AKAP7: variants seen among roughly 807,000 people sequenced by gnomAD.
The protein encoded by AKAP7 is A kinase (PRKA) anchor protein 7.
In AKAP7, 39 loss-of-function variants were observed where a neutral mutation model predicts 39.5. The ratio of observed to expected loss-of-function variants is 0.99; its 90% CI spans 0.76 to 1.29. The LOEUF is 1.29. Among genes scored for constraint, AKAP7 ranks in the 50% most tolerant of loss-of-function variants. The pLI is 0.00. For synonymous variants in AKAP7, 140 were observed against 139.1 expected, an observed-to-expected ratio of 1.01 and a Z score of -0.05; for missense variants, 414 against 407.7, an observed-to-expected ratio of 1.02 and a Z score of -0.13.
In AKAP7 at chr6:131,281,696, T is replaced by C; in HGVS notation, c.1017T>C (p.Asn339=). The C allele has an allele frequency of 1.2e-6, 2 of 1,610,776 alleles. No individual in the cohort carries two copies. Among genetic ancestry groups the C allele is most frequent in the Non-Finnish European group, 1.7e-6 (2 of 1,178,684 alleles). The change falls in exon 8 of 8, where the codon AAT becomes AAC. Residue 339 remains asparagine (N), a synonymous_variant. Coordinates refer to ENST00000431975, the MANE Select transcript of AKAP7 (RefSeq NM_016377.4). The surrounding 1 kb of genome is among the most constrained non-coding windows in gnomAD (Gnocchi z 4.0). ...TGAAAACCGAAGCAGCTGATCAGAA[T>C]GGCAATGACAATGAGAACAACAGGA... ...SSVKTEAADQ[N]GNDNENNRK
intron 2 of AKAP7, among the ~76,000 whole-genome samples, chr6:131,149,089 T>C (rs764292624): frequency 2.0e-5 from 3 of 152,218 alleles, no homozygotes; most frequent in African/African-American, 4.8e-5. Flanking sequence ...AAACGGTTAG[T>C]GTCTCTCGAT....
At chr6:131,200,298 G>A (rs970559758) in intron 6 of AKAP7, among the ~76,000 whole-genome samples, 2 of 152,036 alleles carry the variant, frequency 1.3e-5, no homozygotes, top group African/African-American at 4.8e-5. Context: ...AAATCCTAAG[G>A]CCACCCTTCA....
chr6:131,128,947 T>G, the AKAP7 span, among the ~76,000 whole-genome samples: 1 of 152,124 alleles, frequency 6.6e-6, no homozygotes, highest in Non-Finnish European at 1.5e-5. Flanking sequence ...ACAATGACAT[T>G]GGCAATTGGT....
In AKAP7 at chr6:131,259,597, C is replaced by T. The variant is rs969739592; in HGVS notation, c.851-21933C>T. Among the ~76,000 whole-genome samples the T allele has an allele frequency of 7.2e-4, 110 of 152,070 alleles. 4 individuals carry two copies. Among genetic ancestry groups the T allele is most frequent in the Non-Finnish European group, 2.1e-4 (14 of 68,026 alleles). On this transcript the variant is annotated intron_variant, in intron 7 of 7. Coordinates refer to ENST00000431975, the MANE Select transcript of AKAP7 (RefSeq NM_016377.4). ...AAGCCAGTGGTAAAGATACATTAAA[C>T]CCAGTAGTATTCTAATTATGTTTGC...
At chr6:131,273,987 T>G (rs1814531110) in intron 7 of AKAP7, among the ~76,000 whole-genome samples, 2 of 151,058 alleles carry the variant, frequency 1.3e-5, no homozygotes, top group African/African-American at 4.9e-5. Flanking sequence ...TCGCCCAGGC[T>G]GGTGTGCAGT....
the AKAP7 span, among the ~76,000 whole-genome samples, chr6:131,129,284 C>CAAA: frequency 4.6e-3 from 608 of 130,828 alleles, 10 homozygotes; most frequent in East Asian, 0.06. Flanking sequence ...AAGACTCTGT[C>CAAA]AAAAAAAAAA....
intron 7 of AKAP7, among the ~76,000 whole-genome samples, chr6:131,222,875 A>G (rs1163121482): frequency 6.6e-6 from 1 of 152,206 alleles, no homozygotes; most frequent in Non-Finnish European, 1.5e-5. Flanking sequence ...CATGAAAGGA[A>G]GAGTCGATTG....
the AKAP7 span, among the ~76,000 whole-genome samples, chr6:131,126,184 A>G: frequency 6.6e-6 from 1 of 152,174 alleles, no homozygotes; most frequent in Non-Finnish European, 1.5e-5. Flanking sequence ...TTTATGGCTT[A>G]TTTTTGGTTG....
rs376232798 is a variant in AKAP7, at chr6:131,195,010, T to TC, written c.590-4451_590-4450insC. Among the ~76,000 whole-genome samples, 26 of 152,270 alleles carry TC rather than the reference T, an allele frequency of 1.7e-4. 1 individual carries two copies. The highest frequency in any genetic ancestry group is 5.8e-4 in the African/African-American group (24 of 41,578). On this transcript the variant is annotated intron_variant, in intron 5 of 7. Transcript: ENST00000431975. ...ATCCATTGAGCCACTCTGTGTCTTT[T>TC]TATTGGAGAGTTTAGTCTGTTTACA...
the AKAP7 span, among the ~76,000 whole-genome samples, chr6:131,128,822 C>CAAA: frequency 9.6e-5 from 12 of 125,078 alleles, no homozygotes; most frequent in South Asian, 5.1e-4. Context: ...AACTCCATCT[C>CAAA]AAAAAAAAAA....
At chr6:131,173,311 G>A (rs1248726868) in intron 5 of AKAP7, among the ~76,000 whole-genome samples, 3 of 151,826 alleles carry the variant, frequency 2.0e-5, no homozygotes, top group African/African-American at 7.3e-5. Context: ...TTTAACTTGT[G>A]TCTTTGGGTT....
Position 131,282,662 on chromosome 6 carries a change from G to C in AKAP7, c.*936G>C. 1 of 1,410,096 alleles carries C rather than the reference G, an allele frequency of 7.1e-7. No individual in the cohort carries two copies. Among genetic ancestry groups the C allele is most frequent in the Non-Finnish European group, 9.6e-7 (1 of 1,045,852 alleles). 87.3% of individuals were successfully genotyped at this position (1,410,096 alleles called of 1,614,324 possible). On this transcript the variant is annotated 3_prime_UTR_variant, in exon 8 of 8. Coordinates refer to ENST00000431975, the MANE Select transcript of AKAP7 (RefSeq NM_016377.4). ...TGAAATCTTTTCAGCTTATTAAGTA[G>C]CTCTTTGGTAAACACCAAAGAAGTT...
intron 6 of AKAP7, among the ~76,000 whole-genome samples, chr6:131,210,672 C>A (rs765279011): frequency 6.6e-6 from 1 of 152,150 alleles, no homozygotes; most frequent in Non-Finnish European, 1.5e-5. Flanking sequence ...TGTTGTGTAA[C>A]TTTATTTAGA....
intron 5 of AKAP7, among the ~76,000 whole-genome samples, chr6:131,173,075 C>T (rs1032207514): frequency 2.0e-5 from 3 of 151,676 alleles, no homozygotes; most frequent in Non-Finnish European, 4.4e-5. Flanking sequence ...TGTGATGGGA[C>T]CTGTAGTCCC....
chr6:131,213,269 TGAATTTTTTATACTGA>T lies in AKAP7; in HGVS notation c.703-6362_703-6347del, dbSNP rs531734724. 1.9e-3 allele frequency among the ~76,000 whole-genome samples: 295 copies of T among 152,310 alleles called. 1 individual carries two copies. The highest frequency in any genetic ancestry group is 4.3e-3 in the African/African-American group (177 of 41,566). On this transcript the variant is annotated intron_variant, in intron 6 of 7. Coordinates refer to ENST00000431975, the MANE Select transcript of AKAP7 (RefSeq NM_016377.4). ...TCAGTGTTGACGTTTTTTATACCAG[TGAATTTTTTATACTGA>T]GAATTTTTTATACTGAGAATTTTTT... is the stretch of plus-strand genomic sequence containing the variant.
chr6:131,149,923 G>A (rs1343291167), intron 2 of AKAP7, among the ~76,000 whole-genome samples: 1 of 152,174 alleles, frequency 6.6e-6, no homozygotes. Flanking sequence ...ACTTTGTGGA[G>A]AGTTTTAGTT....
At chr6:131,237,999 G>A (rs1811217233) in intron 7 of AKAP7, among the ~76,000 whole-genome samples, 1 of 152,124 alleles carries the variant, frequency 6.6e-6, no homozygotes, top group Non-Finnish European at 1.5e-5. Context: ...TGTGATGTTA[G>A]GGTGTCAATT....
At chr6:131,237,963 G>A (rs1036167795) in intron 7 of AKAP7, among the ~76,000 whole-genome samples, 1 of 152,004 alleles carries the variant, frequency 6.6e-6, no homozygotes, top group East Asian at 1.9e-4. Context: ...GAATGTGTTT[G>A]CTCTCGATTC....
chr6:131,157,298 T>C (rs74594907), intron 2 of AKAP7, among the ~76,000 whole-genome samples: 9,933 of 152,090 alleles, frequency 0.065, 743 homozygotes, highest in African/African-American at 0.19. Flanking sequence ...ATAAAGAGAG[T>C]TTATGTGCTC....
Sources: allele counts gnomAD v4.1 joint callset (sites outside exome capture counted in the v4.1 genomes callset), GRCh38; gene constraint gnomAD v4.1.1; non-coding constraint Gnocchi (gnomAD v3.1); transcripts MANE v1.5; gene names NCBI Gene and HGNC (gene_info 2026-07-23, HGNC 2026-07-21).